Variants in TSHZ2 observed in about 807,000 individuals in gnomAD.
TSHZ2 encodes the protein teashirt homolog 2.
TSHZ2 carries 21 observed loss-of-function variants against 74.4 expected under a neutral mutation model. The ratio of observed to expected loss-of-function variants is 0.28; its 90% CI spans 0.20 to 0.41. The LOEUF is 0.41. Ranked by LOEUF, TSHZ2 falls within the 10% of genes least tolerant of loss-of-function variation. The pLI, the probability that TSHZ2 is intolerant of heterozygous loss-of-function variation, is 1.00. For synonymous variants in TSHZ2, 540 were observed against 515.3 expected (o/e 1.05, Z -0.65); for missense variants, 1,244 against 1,293.5 (o/e 0.96, Z 0.59).
At chr20:53,176,668 A>G (rs546630688) in intron 1 of TSHZ2, among the ~76,000 whole-genome samples, 18 of 151,960 alleles carry the variant, frequency 1.2e-4, no homozygotes, top group African/African-American at 3.9e-4. Context: ...TTTATTTAGA[A>G]GTTGTATTTC....
chr20:53,098,188 A>G (rs942750480), intron 1 of TSHZ2, among the ~76,000 whole-genome samples: 1 of 152,184 alleles, frequency 6.6e-6, no homozygotes, highest in African/African-American at 2.4e-5. Flanking sequence ...CTTAGCAGCT[A>G]TGTGTGGCTG....
At chr20:53,109,213 A>G (rs1241634205) in intron 1 of TSHZ2, among the ~76,000 whole-genome samples, 1 of 152,190 alleles carries the variant, frequency 6.6e-6, no homozygotes, top group Non-Finnish European at 1.5e-5. Context: ...TATCTACTTT[A>G]TAGGGTTTTG....
intron 2 of TSHZ2, among the ~76,000 whole-genome samples, chr20:53,476,775 C>CA (rs1468444356): frequency 6.8e-6 from 1 of 147,400 alleles, no homozygotes; most frequent in Non-Finnish European, 1.5e-5. Context: ...TGTCTCACCC[C>CA]AAAATCTCCT....
At chr20:53,486,901 T>C (rs943884292) in intron 2 of TSHZ2, among the ~76,000 whole-genome samples, 1 of 152,122 alleles carries the variant, frequency 6.6e-6, no homozygotes, top group Non-Finnish European at 1.5e-5. Flanking sequence ...TTTACATCCA[T>C]CTGTGCTCAG....
At chr20:53,427,677 G>A (rs1343685454) in intron 2 of TSHZ2, among the ~76,000 whole-genome samples, 1 of 152,186 alleles carries the variant, frequency 6.6e-6, no homozygotes, top group Non-Finnish European at 1.5e-5. Flanking sequence ...TGTATTTTGA[G>A]GGTCTGAAGT....
At chr20:53,050,116 T>TACAC (rs1424717762) in intron 1 of TSHZ2, among the ~76,000 whole-genome samples, 2 of 96,450 alleles carry the variant, frequency 2.1e-5, no homozygotes, top group African/African-American at 1.6e-4. Context: ...TATATATATA[T>TACAC]ATATATATAC....
rs10653039 is a variant in TSHZ2, at chr20:53,160,745, C to CAAAAAAAAAAA, written c.41-92746_41-92736dup. On this transcript the variant is annotated intron_variant, in intron 1 of 2. Coordinates refer to ENST00000371497, the MANE Select transcript of TSHZ2 (RefSeq NM_173485.6). ...GGGTGACAGGGCAAGACTCTGTCTC[C>CAAAAAAAAAAA]AAAAAAAAAAAAAAAAAAGACATTT... Among the ~76,000 whole-genome samples, 193 of 95,786 alleles carry CAAAAAAAAAAA rather than the reference C, an allele frequency of 2.0e-3. 5 individuals carry two copies. The highest frequency in any genetic ancestry group is 7.9e-3 in the African/African-American group (187 of 23,628). 62.8% of individuals were successfully genotyped at this position (95,786 alleles called of 152,430 possible). A position where few individuals can be genotyped will look rare whatever the true frequency, so the allele number is the denominator to read the frequency against.
intron 2 of TSHZ2, among the ~76,000 whole-genome samples, chr20:53,479,170 A>T (rs1036879150): frequency 1.6e-4 from 13 of 81,370 alleles, no homozygotes; most frequent in South Asian, 7.3e-4. Flanking sequence ...GTCTCAATTT[A>T]AAAAAAAAAA....
At chr20:53,384,327 C>G (rs1600596310) in intron 2 of TSHZ2, among the ~76,000 whole-genome samples, 1 of 152,356 alleles carries the variant, frequency 6.6e-6, no homozygotes, top group Admixed American at 6.5e-5. Context: ...AACTCCAAAA[C>G]TGCAGCCCCA....
intron 1 of TSHZ2, among the ~76,000 whole-genome samples, chr20:53,131,160 TTA>T (rs963748822): frequency 2.0e-5 from 3 of 152,166 alleles, no homozygotes; most frequent in African/African-American, 7.2e-5. Flanking sequence ...GAACGTTTTG[TTA>T]TGTGTTTTGT....
rs1990435103 is a variant in TSHZ2 at position 53,255,088 on chromosome 20, A to C, written c.1630A>C (p.Ile544Leu). The C allele has an allele frequency of 6.2e-7, 1 of 1,614,062 alleles. No individual in the cohort carries two copies. Among genetic ancestry groups the C allele is most frequent in the Non-Finnish European group, 8.5e-7 (1 of 1,180,044 alleles). The change falls in exon 2 of 3, where the codon ATC becomes CTC. Residue 544 changes from isoleucine to leucine, a missense_variant. Physicochemically the swap from Ile to Leu is conservative, Grantham distance 5. Transcript: ENST00000371497. This position sits in a 1 kb window ranked among gnomAD's most constrained non-coding sequence, Gnocchi z 4.1. ...GAPSWSAYPS[I>L]HAAYQLSEGT... ...CCCCAGCTGGAGTGCCTACCCCAGC[A>C]TCCACGCAGCCTACCAGCTGTCTGA...
intron 1 of TSHZ2, among the ~76,000 whole-genome samples, chr20:52,995,020 T>C (rs1279682873): frequency 6.6e-6 from 1 of 152,176 alleles, no homozygotes; most frequent in African/African-American, 2.4e-5. Flanking sequence ...GGAAGACACA[T>C]AGTGGAGCCA....
chr20:53,175,786 A>T (rs941298722), intron 1 of TSHZ2, among the ~76,000 whole-genome samples: 6 of 152,114 alleles, frequency 3.9e-5, no homozygotes, highest in African/African-American at 1.2e-4. Flanking sequence ...CGACCTACAG[A>T]CTTGGTTAGC....
intron 1 of TSHZ2, among the ~76,000 whole-genome samples, chr20:53,103,695 C>G (rs1029962992): frequency 6.6e-6 from 1 of 152,148 alleles, no homozygotes; most frequent in African/African-American, 2.4e-5. Flanking sequence ...GTGACTTGCC[C>G]CTCACCATTT....
At chr20:53,025,176 A>G (rs1219365417) in intron 1 of TSHZ2, among the ~76,000 whole-genome samples, 1 of 151,436 alleles carries the variant, frequency 6.6e-6, no homozygotes, top group African/African-American at 2.4e-5. Context: ...ATAGATATGC[A>G]TAAATATTAT....
intron 1 of TSHZ2, among the ~76,000 whole-genome samples, chr20:53,181,865 C>T (rs1988477576): frequency 6.6e-6 from 1 of 152,212 alleles, no homozygotes; most frequent in South Asian, 2.1e-4. Flanking sequence ...GAGAAATTAA[C>T]AGCTGTGCCC....
At chr20:53,062,331 G>A (rs1984848444) in intron 1 of TSHZ2, among the ~76,000 whole-genome samples, 1 of 152,190 alleles carries the variant, frequency 6.6e-6, no homozygotes, top group South Asian at 2.1e-4. Context: ...GGTCATATGG[G>A]AGGTTTTCGA....
chr20:53,076,522 A>G (rs1464289938), intron 1 of TSHZ2, among the ~76,000 whole-genome samples: 3 of 152,194 alleles, frequency 2.0e-5, no homozygotes, highest in Non-Finnish European at 4.4e-5. Flanking sequence ...AATACTATGA[A>G]AGGACTGGGC....
At chr20:53,081,214 T>G (rs1985524760) in intron 1 of TSHZ2, among the ~76,000 whole-genome samples, 1 of 152,100 alleles carries the variant, frequency 6.6e-6, no homozygotes, top group Non-Finnish European at 1.5e-5. Flanking sequence ...TTTTATTTTG[T>G]AAAGATGAGG....
Sources: gnomAD v4.1 joint callset for allele counts (sites outside exome capture counted in the v4.1 genomes callset) on GRCh38, gnomAD v4.1.1 for gene constraint, Gnocchi (gnomAD v3.1) non-coding constraint, MANE v1.5 for transcripts, NCBI Gene and HGNC (gene_info 2026-07-23, HGNC 2026-07-21) for gene names.